Variants in BICC1 observed in about 807,000 individuals in gnomAD.
The protein encoded by BICC1 is BicC family RNA binding protein 1.
BICC1 carries 43 observed loss-of-function variants against 111.0 expected under a neutral mutation model. The ratio of observed to expected loss-of-function variants is 0.39; its 90% CI spans 0.30 to 0.50. The LOEUF (loss-of-function observed/expected upper bound fraction) is 0.50. Among genes scored for constraint, BICC1 ranks in the 20% least tolerant of loss-of-function variants. BICC1 has a pLI of 0.88. For missense variants in BICC1, 1,091 were observed against 1,203.2 expected (o/e 0.91, Z 1.38); for synonymous variants, 467 against 434.4 (o/e 1.07, Z -0.93).
At chr10:58,748,997 A>T (rs1841913477) in intron 3 of BICC1, among the ~76,000 whole-genome samples, 1 of 152,128 alleles carries the variant, frequency 6.6e-6, no homozygotes, top group Non-Finnish European at 1.5e-5. Context: ...TGGTTTGGTT[A>T]AGTTGTCTAC....
rs938946573 is a variant in BICC1 at position 58,774,066 on chromosome 10, A to G, written c.308-10935A>G. 1.1e-4 allele frequency among the ~76,000 whole-genome samples: 16 copies of G among 152,180 alleles called. 1 individual carries two copies. The highest frequency in any genetic ancestry group is 6.2e-4 in the South Asian group (3 of 4,834). ...TGTGTAGTTAGTGGTGGCCATAAAC[A>G]TATGGCCTTCACTAACTATTTGCCC... On this transcript the variant is annotated intron_variant, in intron 3 of 20. Coordinates refer to ENST00000373886, the MANE Select transcript of BICC1 (RefSeq NM_001080512.3).
chr10:58,751,974 C>T (rs924851575), intron 3 of BICC1, among the ~76,000 whole-genome samples: 1 of 152,070 alleles, frequency 6.6e-6, no homozygotes, highest in African/African-American at 2.4e-5. Context: ...AACAAGCCTC[C>T]CTTTCTGTTA....
chr10:58,673,321 G>A (rs1839237890), intron 2 of BICC1, among the ~76,000 whole-genome samples: 1 of 152,082 alleles, frequency 6.6e-6, no homozygotes, highest in Admixed American at 6.6e-5. Flanking sequence ...CATCCTCTGG[G>A]AAGGAATCAG....
At chr10:58,800,093 G>A in intron 12 of BICC1, 101 bp from the exon 13 acceptor site, 2 of 879,134 alleles carry the variant, frequency 2.3e-6, no homozygotes, top group South Asian at 2.0e-5. Flanking sequence ...TTCCAGGGTG[G>A]TTTTCTTTTT....
chr10:58,524,591 C>G (rs1842479990), intron 1 of BICC1, among the ~76,000 whole-genome samples: 1 of 152,088 alleles, frequency 6.6e-6, no homozygotes, highest in African/African-American at 2.4e-5. Flanking sequence ...AATATTAGAC[C>G]TAAAACCATA....
chr10:58,764,189 T>A (rs1842395828), intron 3 of BICC1, among the ~76,000 whole-genome samples: 1 of 152,196 alleles, frequency 6.6e-6, no homozygotes, highest in Admixed American at 6.5e-5. Context: ...AATAGCCAGT[T>A]GCCTACATTA....
At chr10:58,675,066 G>T (rs1839297028) in intron 2 of BICC1, among the ~76,000 whole-genome samples, 1 of 152,186 alleles carries the variant, frequency 6.6e-6, no homozygotes, top group African/African-American at 2.4e-5. Context: ...CTGGATAGAA[G>T]ATTGTCTTGG....
chr10:58,541,534 A>G (rs7087528), intron 1 of BICC1, among the ~76,000 whole-genome samples: 1 of 151,860 alleles, frequency 6.6e-6, no homozygotes, highest in African/African-American at 2.4e-5. Context: ...ACTACAAAAC[A>G]TTGCAGAAAA....
rs566808722 is a variant in BICC1, at chr10:58,790,134, T to C, written c.1047+201T>C. The stretch of plus-strand genomic sequence containing the variant: ...TCAACAGGTTTAATTTCATTGCATA[T>C]GTAATTTTATTTCAGTGTTTTCTTT... On this transcript the variant is annotated intron_variant, in intron 8 of 20. Coordinates refer to ENST00000373886, the MANE Select transcript of BICC1 (RefSeq NM_001080512.3). 2.0e-5 allele frequency among the ~76,000 whole-genome samples: 3 copies of C among 152,340 alleles called. No homozygotes were observed. In the East Asian group the frequency reaches 5.8e-4, roughly 29 times the overall value.
intron 1 of BICC1, among the ~76,000 whole-genome samples, chr10:58,540,726 G>C (rs371178568): frequency 1.3e-5 from 2 of 151,996 alleles, no homozygotes; most frequent in South Asian, 4.1e-4. Flanking sequence ...CCAGAAAACT[G>C]TAGAGGAGGA....
chr10:58,813,969 G>A lies in BICC1; in HGVS notation c.2516G>A (p.Arg839His), dbSNP rs200282277. ...EFAASIGSPK[R>H]KQNKSTEHYL... is the part of the protein sequence containing the mutation. ...GCAGCTTCTATTGGCAGCCCTAAGC[G>A]TAAACAAAACAAATCAAGTGAGCGT... The change falls in exon 18 of 21, where the codon CGT becomes CAT. Residue 839 changes from arginine to histidine, a missense_variant. By Grantham distance (29) the Arg-to-His change is conservative. Around this residue, in one of 3 missense-constraint regions of BICC1, gnomAD observed 231 missense variants for 256.2 expected, o/e 0.90. Coordinates refer to ENST00000373886, the MANE Select transcript of BICC1 (RefSeq NM_001080512.3). The A allele has an allele frequency of 3.0e-5, 49 of 1,613,862 alleles. No homozygotes were observed. The highest frequency in any genetic ancestry group is 1.7e-4 in the African/African-American group (13 of 74,924).
At chr10:58,618,307 T>C (rs1030848016) in intron 1 of BICC1, among the ~76,000 whole-genome samples, 3 of 152,254 alleles carry the variant, frequency 2.0e-5, no homozygotes, top group Admixed American at 6.5e-5. Context: ...CGGTCTTGCA[T>C]GTGAGTCTGG....
At chr10:58,624,545 G>A (rs1845926548) in intron 2 of BICC1, among the ~76,000 whole-genome samples, 1 of 151,976 alleles carries the variant, frequency 6.6e-6, no homozygotes, top group Non-Finnish European at 1.5e-5. Flanking sequence ...GTATATAATT[G>A]ACATGCAAAA....
intron 1 of BICC1, among the ~76,000 whole-genome samples, chr10:58,527,273 A>AT (rs1305244635): frequency 2.0e-5 from 3 of 150,628 alleles, no homozygotes; most frequent in Admixed American, 6.6e-5. Context: ...GATGGGGTTG[A>AT]TTTTTTCCTG....
rs1051139040 is a variant in BICC1, at chr10:58,513,074, C to T, written c.-70C>T. 4 of 1,218,486 alleles carry T rather than the reference C, an allele frequency of 3.3e-6. 1 individual carries two copies. In the South Asian group the frequency reaches 8.7e-5, roughly 27 times the overall value. 75.5% of individuals were successfully genotyped at this position (1,218,486 alleles called of 1,614,324 possible). A position where few individuals can be genotyped will look rare whatever the true frequency, so the allele number is the denominator to read the frequency against. ...GGCGCTGGGAGCCAGTTGAGCCCGG[C>T]CGGCGAGCGGAGGCGGCAGCGCAGG... is the stretch of plus-strand genomic sequence containing the variant. On this transcript the variant is annotated 5_prime_UTR_variant, in exon 1 of 21. Coordinates refer to ENST00000373886, the MANE Select transcript of BICC1 (RefSeq NM_001080512.3).
chr10:58,791,665 C>G (rs1048865560), intron 8 of BICC1, among the ~76,000 whole-genome samples: 1 of 151,744 alleles, frequency 6.6e-6, no homozygotes, highest in Non-Finnish European at 1.5e-5. Context: ...GCTCAAACCG[C>G]GGAGGTGGAG....
intron 1 of BICC1, among the ~76,000 whole-genome samples, chr10:58,567,751 A>C: frequency 6.6e-6 from 1 of 152,162 alleles, no homozygotes; most frequent in Non-Finnish European, 1.5e-5. Context: ...GATTACTTAT[A>C]ATATAGCATT....
chr10:58,784,075 C>T (rs1490428086), intron 3 of BICC1, among the ~76,000 whole-genome samples: 1 of 152,156 alleles, frequency 6.6e-6, no homozygotes. Context: ...CTCCTCAAGA[C>T]TCTCTCATAG....
At chr10:58,800,696 G>A (rs1484038341) in intron 13 of BICC1, among the ~76,000 whole-genome samples, 194 bp from the exon 14 acceptor site, 1 of 151,974 alleles carries the variant, frequency 6.6e-6, no homozygotes, top group Non-Finnish European at 1.5e-5. Flanking sequence ...AAATATATGC[G>A]GGTCTTCTCT....
Sources: allele counts gnomAD v4.1 joint callset (sites outside exome capture counted in the v4.1 genomes callset), GRCh38; gene constraint gnomAD v4.1.1; regional missense constraint gnomAD v4.1.1; transcripts MANE v1.5; gene names NCBI Gene and HGNC (gene_info 2026-07-23, HGNC 2026-07-21).